Variants in COL25A1 observed in about 807,000 individuals in gnomAD.
COL25A1 encodes collagen alpha-1(XXV) chain.
In COL25A1, 103 loss-of-function variants were observed where a neutral mutation model predicts 128.4. The observed-to-expected ratio is 0.80, with a 90% CI of 0.68 to 0.94. COL25A1 has a LOEUF of 0.94. COL25A1 is among the 40% of genes least tolerant of loss of function. The probability of loss-of-function intolerance (pLI) is 0.00; values close to 1 mark genes in which losing one functional copy is unlikely to be tolerated. For synonymous variants in COL25A1, 279 were observed against 277.2 expected (o/e 1.01, Z -0.06); for missense variants, 745 against 840.0 (o/e 0.89, Z 1.40).
At chr4:108,970,401 G>A (rs1043269081) in intron 8 of COL25A1, among the ~76,000 whole-genome samples, 1 of 151,978 alleles carries the variant, frequency 6.6e-6, no homozygotes, top group Non-Finnish European at 1.5e-5. Flanking sequence ...ATTGGCAAAT[G>A]GAATATTATT....
chr4:109,257,623 T>C (rs1781165464), intron 3 of COL25A1, among the ~76,000 whole-genome samples: 1 of 152,194 alleles, frequency 6.6e-6, no homozygotes, highest in Non-Finnish European at 1.5e-5. Flanking sequence ...GCTGCTTCCA[T>C]TTATAAACGA....
chr4:109,301,862 C>T lies in COL25A1; in HGVS notation c.158G>A (p.Gly53Asp). 2 of 1,614,230 alleles carry T rather than the reference C, an allele frequency of 1.2e-6. No homozygotes were observed. Among genetic ancestry groups the T allele is most frequent in the Non-Finnish European group, 1.7e-6 (2 of 1,180,040 alleles). ...CGCCTGGAGGTCGTTGGTTTTCACA[C>T]CCAGGTACAGGCAAGACACCACGGC... ...VVAVVSCLYL[G>D]VKTNDLQARI... The change falls in exon 2 of 38, where the codon GGT (glycine) becomes GAT (aspartate). Residue 53 changes from glycine (G) to aspartate (D), a missense_variant. Transcript: ENST00000399132.
intron 3 of COL25A1, among the ~76,000 whole-genome samples, chr4:109,184,380 T>C (rs1052104920): frequency 3.3e-5 from 5 of 152,198 alleles, no homozygotes. Flanking sequence ...TATCTCTTCA[T>C]CATTTCCTGA....
intron 3 of COL25A1, among the ~76,000 whole-genome samples, chr4:109,184,466 G>A (rs897759998): frequency 6.6e-6 from 1 of 152,178 alleles, no homozygotes; most frequent in African/African-American, 2.4e-5. Flanking sequence ...TAGACACCAA[G>A]GTAAGACGCA....
rs370280333 is a variant in COL25A1, at chr4:109,129,207, G to A, written c.368-79028C>T. ...TGCAATGGTGTGATCTTGGCTCACC[G>A]TAACCTCCACCTTCCAGGTTCAAGC... is the stretch of plus-strand genomic sequence containing the variant. On this transcript the variant is annotated intron_variant, in intron 3 of 37. Transcript: ENST00000399132. Among the ~76,000 whole-genome samples, 49 of 151,736 alleles carry A rather than the reference G, an allele frequency of 3.2e-4. No homozygotes were observed. In the East Asian group the frequency reaches 5.8e-3, roughly 18 times the overall value.
At chr4:108,984,513 G>C (rs1299508282) in intron 6 of COL25A1, among the ~76,000 whole-genome samples, 1 of 152,190 alleles carries the variant, frequency 6.6e-6, no homozygotes, top group Non-Finnish European at 1.5e-5. Context: ...CACGCATGGC[G>C]GGCTGCAGGT....
In COL25A1 at chr4:108,980,051, CAT is replaced by C. The variant is rs1174395478; in HGVS notation, c.439-5494_439-5493del. Among the ~76,000 whole-genome samples the C allele has an allele frequency of 5.3e-5, 8 of 152,236 alleles. No homozygotes were observed. In the East Asian group the frequency reaches 9.7e-4, roughly 18 times the overall value. ...AGAAAGGAGTTCAGGGTGGTAAGAA[CAT>C]GTGGGGAGTGGAGATAGAAAATAGC... On this transcript the variant is annotated intron_variant, in intron 6 of 37. Transcript: ENST00000399132.
intron 32 of COL25A1, among the ~76,000 whole-genome samples, chr4:108,829,569 TGG>T (rs946298702): frequency 5.9e-5 from 9 of 152,172 alleles, no homozygotes; most frequent in African/African-American, 1.4e-4. Context: ...CAGATTAGGG[TGG>T]GTCTAATTGG....
At chr4:109,060,446 G>C (rs919771141) in intron 3 of COL25A1, among the ~76,000 whole-genome samples, 1 of 152,058 alleles carries the variant, frequency 6.6e-6, no homozygotes, top group Non-Finnish European at 1.5e-5. Flanking sequence ...ATCACATAGC[G>C]TAATGATAAT....
At chr4:108,966,928 G>GAA (rs1404712214) in intron 8 of COL25A1, among the ~76,000 whole-genome samples, 120 of 108,600 alleles carry the variant, frequency 1.1e-3, no homozygotes, top group Non-Finnish European at 1.6e-3. Context: ...GAGAGAAAAA[G>GAA]AGAGAAAGAA....
intron 3 of COL25A1, among the ~76,000 whole-genome samples, chr4:109,259,727 CTAAGTATT>C (rs773967538): frequency 1.9e-4 from 29 of 152,176 alleles, no homozygotes; most frequent in Non-Finnish European, 3.2e-4. Flanking sequence ...GTTTATATTT[CTAAGTATT>C]TACATTCACA....
intron 3 of COL25A1, among the ~76,000 whole-genome samples, chr4:109,198,304 AC>A (rs1776285219): frequency 6.9e-6 from 1 of 144,570 alleles, no homozygotes; most frequent in East Asian, 1.9e-4. Flanking sequence ...TCACACACAC[AC>A]ACACACACAC....
intron 3 of COL25A1, among the ~76,000 whole-genome samples, chr4:109,218,815 T>A (rs568829383): frequency 1.3e-5 from 2 of 152,152 alleles, no homozygotes; most frequent in Non-Finnish European, 2.9e-5. Context: ...AATGAGATTA[T>A]ACTGAACTCA....
At chr4:109,050,400 GTTAC>G (rs1319322469) in intron 3 of COL25A1, among the ~76,000 whole-genome samples, 1 of 152,082 alleles carries the variant, frequency 6.6e-6, no homozygotes, top group Non-Finnish European at 1.5e-5. Context: ...ATCATCTAGT[GTTAC>G]TTAAGAAAAC....
chr4:108,987,507 C>T (rs71603009), intron 6 of COL25A1, among the ~76,000 whole-genome samples: 10,616 of 152,000 alleles, frequency 0.07, 424 homozygotes, highest in Non-Finnish European at 0.088. Context: ...GCCGGGTAGC[C>T]GGGATTACAG....
chr4:108,935,842 A>G (rs1353408533), intron 11 of COL25A1, among the ~76,000 whole-genome samples: 1 of 152,204 alleles, frequency 6.6e-6, no homozygotes, highest in Non-Finnish European at 1.5e-5. Flanking sequence ...TTCCTTGAGT[A>G]GAAGATAAGA....
intron 31 of COL25A1, among the ~76,000 whole-genome samples, chr4:108,832,982 A>AATAAATAAATAAATACATAAATAC (rs1449504581): frequency 6.6e-6 from 1 of 151,356 alleles, no homozygotes; most frequent in African/African-American, 2.4e-5. Context: ...ATAATAAATA[A>AATAAATAAATAAATACATAAATAC]ATAAATAAAT....
At chr4:109,139,561 C>A (rs990768354) in intron 3 of COL25A1, among the ~76,000 whole-genome samples, 1 of 152,112 alleles carries the variant, frequency 6.6e-6, no homozygotes, top group Non-Finnish European at 1.5e-5. Flanking sequence ...TTTCTCAACA[C>A]CATTTATTAA....
intron 5 of COL25A1, 145 bp downstream of exon 5, chr4:109,048,023 C>T (rs1369759542): frequency 1.3e-5 from 11 of 870,632 alleles, no homozygotes; most frequent in Admixed American, 4.6e-5. Context: ...TGAGCCACCG[C>T]GACTGACCAC....
Sources: allele counts gnomAD v4.1 joint callset (sites outside exome capture counted in the v4.1 genomes callset), GRCh38; gene constraint gnomAD v4.1.1; transcripts MANE v1.5; gene names NCBI Gene and HGNC (gene_info 2026-07-23, HGNC 2026-07-21).